The following PTPRR variants were observed in gnomAD, a reference collection of about 807,000 sequenced individuals.
The protein encoded by PTPRR is protein tyrosine phosphatase receptor type R.
Under a neutral mutation model 77.2 loss-of-function variants are expected in PTPRR, and 38 were observed. The ratio of observed to expected loss-of-function variants is 0.49; its 90% confidence interval spans 0.38 to 0.65. The LOEUF is 0.65. PTPRR is among the 30% of genes least tolerant of loss of function. The pLI, the probability that PTPRR is intolerant of heterozygous loss-of-function variation, is 0.00. For missense variants in PTPRR, 744 were observed against 799.2 expected (o/e 0.93, Z 0.83); for synonymous variants, 299 against 283.1 (o/e 1.06, Z -0.57).
At chr12:70,803,370 A>C (rs982330990) in intron 2 of PTPRR, among the ~76,000 whole-genome samples, 1 of 152,072 alleles carries the variant, frequency 6.6e-6, no homozygotes, top group Non-Finnish European at 1.5e-5. Context: ...CAAAAGAAGC[A>C]CTCTTTGGGT....
intron 10 of PTPRR, among the ~76,000 whole-genome samples, chr12:70,676,953 A>T (rs571520795): frequency 6.6e-6 from 1 of 151,656 alleles, no homozygotes; most frequent in South Asian, 2.1e-4. Context: ...TTCCATGAAG[A>T]ATGTTATTGG....
intron 2 of PTPRR, among the ~76,000 whole-genome samples, chr12:70,856,918 A>ATTG (rs1892662444): frequency 6.6e-6 from 1 of 152,130 alleles, no homozygotes; most frequent in Non-Finnish European, 1.5e-5. Flanking sequence ...GCAATTGGGT[A>ATTG]GATATATTTA....
At chr12:70,741,839 T>G (rs554084236) in intron 6 of PTPRR, among the ~76,000 whole-genome samples, 90 of 152,280 alleles carry the variant, frequency 5.9e-4, no homozygotes, top group African/African-American at 2.0e-3. Context: ...ATAGGAGGAC[T>G]GTGATCCTTG....
intron 4 of PTPRR, among the ~76,000 whole-genome samples, chr12:70,756,104 A>G (rs1177670076): frequency 6.6e-6 from 1 of 151,988 alleles, no homozygotes; most frequent in African/African-American, 2.4e-5. Flanking sequence ...GTGGAAAGAG[A>G]TTTTGTGTTC....
intron 2 of PTPRR, among the ~76,000 whole-genome samples, chr12:70,845,338 A>G (rs902737366): frequency 5.3e-5 from 8 of 152,174 alleles, no homozygotes; most frequent in African/African-American, 1.9e-4. Flanking sequence ...CCACCCCCCA[A>G]AAAAAGGACA....
At chr12:70,666,535 T>C (rs1353647931) in intron 10 of PTPRR, among the ~76,000 whole-genome samples, 1 of 152,170 alleles carries the variant, frequency 6.6e-6, no homozygotes, top group African/African-American at 2.4e-5. Context: ...AGAAAAGAGC[T>C]TTATGAGATA....
chr12:70,818,327 A>G (rs2137037471), intron 2 of PTPRR, among the ~76,000 whole-genome samples: 1 of 151,992 alleles, frequency 6.6e-6, no homozygotes, highest in African/African-American at 2.4e-5. Context: ...TCTATCAACT[A>G]TTTATTTATT....
intron 6 of PTPRR, among the ~76,000 whole-genome samples, chr12:70,728,464 A>C (rs1489219342): frequency 4.8e-5 from 1 of 20,832 alleles, no homozygotes; most frequent in Non-Finnish European, 1.6e-4. Context: ...ATATATATAC[A>C]TATATGTGTA....
At chr12:70,890,003 G>A (rs1445511839) in intron 2 of PTPRR, among the ~76,000 whole-genome samples, 2 of 152,150 alleles carry the variant, frequency 1.3e-5, no homozygotes, top group African/African-American at 4.8e-5. Context: ...GAAATGGCCT[G>A]TAGTTGCTAC....
intron 2 of PTPRR, among the ~76,000 whole-genome samples, chr12:70,799,622 C>T (rs776319413): frequency 1.1e-4 from 16 of 151,904 alleles, no homozygotes; most frequent in Non-Finnish European, 2.2e-4. Context: ...TATGAAATTT[C>T]CATTAAGTAA....
At chr12:70,828,698 C>T (rs773033567) in intron 2 of PTPRR, among the ~76,000 whole-genome samples, 25 of 152,190 alleles carry the variant, frequency 1.6e-4, no homozygotes, top group Non-Finnish European at 1.3e-4. Context: ...ATGTGGTTAG[C>T]TTTCTGAATG....
intron 2 of PTPRR, among the ~76,000 whole-genome samples, chr12:70,846,773 C>T (rs1403252262): frequency 6.6e-6 from 1 of 152,140 alleles, no homozygotes; most frequent in East Asian, 1.9e-4. Context: ...AACTTCACAG[C>T]CTCTAGAAAT....
chr12:70,757,950 C>T (rs1890601000), intron 4 of PTPRR, among the ~76,000 whole-genome samples: 1 of 152,126 alleles, frequency 6.6e-6, no homozygotes, highest in Non-Finnish European at 1.5e-5. Context: ...AATATTTTTG[C>T]AGGGCTTCTT....
chr12:70,648,038 C>T (rs1886262972), intron 13 of PTPRR, among the ~76,000 whole-genome samples: 1 of 152,112 alleles, frequency 6.6e-6, no homozygotes, highest in African/African-American at 2.4e-5. Flanking sequence ...ACTTAGGCTT[C>T]CCACTGCAGA....
intron 10 of PTPRR, among the ~76,000 whole-genome samples, chr12:70,666,108 G>T (rs1213434068): frequency 1.3e-5 from 2 of 152,154 alleles, no homozygotes; most frequent in African/African-American, 4.8e-5. Context: ...TTTGAAGTAG[G>T]TAGGGTGGGT....
At chr12:70,754,162 G>A in intron 5 of PTPRR, 29 bp downstream of exon 5, 9 of 1,604,266 alleles carry the variant, frequency 5.6e-6, no homozygotes, top group Non-Finnish European at 7.7e-6. Context: ...GCTGAGCAAA[G>A]GATAAAATAT....
rs142166438 is a variant in PTPRR at position 70,656,899 on chromosome 12, A to G, written c.1767-82T>C. On this transcript the variant is annotated intron_variant, in intron 12 of 13. Transcript: ENST00000283228. ...CATTCTTTTACAAGGGTACTTTTAA[A>G]TCTGAAACCACAGTTAAAAGTAGTA... 21 of 933,478 alleles carry G rather than the reference A, an allele frequency of 2.2e-5. No individual in the cohort carries two copies. The East Asian group carries it at 4.8e-4, about 21-fold the overall frequency. The allele number at this position is 933,478 out of a possible 1,614,324, so 57.8% of individuals were successfully genotyped here.
At chr12:70,917,453 T>C (rs1222945882) in intron 1 of PTPRR, among the ~76,000 whole-genome samples, 2 of 152,148 alleles carry the variant, frequency 1.3e-5, no homozygotes, top group African/African-American at 4.8e-5. Flanking sequence ...AAATAAGCAG[T>C]TGGATGGACA....
intron 2 of PTPRR, among the ~76,000 whole-genome samples, chr12:70,846,503 T>G (rs1892486349): frequency 6.6e-6 from 1 of 152,196 alleles, no homozygotes; most frequent in Non-Finnish European, 1.5e-5. Context: ...TGCTATTGTG[T>G]GAATGTTTGT....
Sources: gnomAD v4.1 joint callset for allele counts (sites outside exome capture counted in the v4.1 genomes callset) on GRCh38, gnomAD v4.1.1 for gene constraint, MANE v1.5 for transcripts, NCBI Gene and HGNC (gene_info 2026-07-23, HGNC 2026-07-21) for gene names.